Variants in HYDIN observed in about 807,000 individuals in gnomAD.
The protein encoded by HYDIN is axonemal central pair apparatus protein HYDIN.
Under a neutral mutation model 403.9 loss-of-function variants are expected in HYDIN, and 132 were observed. The observed-to-expected ratio is 0.33, with a 90% CI of 0.28 to 0.38. The LOEUF is 0.38. HYDIN is among the 10% of genes least tolerant of loss of function. HYDIN has a pLI of 1.00. For missense variants in HYDIN, 2,827 were observed against 5,009.5 expected (o/e 0.56, Z 13.15); for synonymous variants, 1,202 against 1,891.7 (o/e 0.64, Z 9.46).
chr16:70,825,143 A>G (rs1380823063), intron 83 of HYDIN, among the ~76,000 whole-genome samples: 2 of 152,206 alleles, frequency 1.3e-5, no homozygotes. Context: ...TAGATTGACA[A>G]TCATTCTCAC....
intron 27 of HYDIN, among the ~76,000 whole-genome samples, chr16:70,986,441 A>C (rs1276007968): frequency 1.3e-5 from 2 of 152,208 alleles, no homozygotes; most frequent in Admixed American, 1.3e-4. Flanking sequence ...AGGCAAGAGA[A>C]TTCTATTTGG....
chr16:70,895,842 G>T, intron 54 of HYDIN, 139 bp downstream of exon 54: 1 of 1,385,842 alleles, frequency 7.2e-7, no homozygotes, highest in Non-Finnish European at 9.4e-7. Context: ...TCACTCTGGG[G>T]CTCACATTAT....
chr16:71,192,842 T>C (rs1045025365), intron 1 of HYDIN, among the ~76,000 whole-genome samples: 1 of 152,228 alleles, frequency 6.6e-6, no homozygotes, highest in African/African-American at 2.4e-5. Flanking sequence ...CTAATAAATG[T>C]GGTTAATTAA....
rs1169889431 is a variant in HYDIN at position 71,046,942 on chromosome 16, T to C, written c.2529+13562A>G. Among the ~76,000 whole-genome samples the C allele has an allele frequency of 3.7e-4, 56 of 152,068 alleles. 1 individual carries two copies. The highest frequency in any genetic ancestry group is 3.4e-3 in the Admixed American group (52 of 15,266). ...ACATAAATCGAGTTGATGATGATGC[T>C]GGTAATGGGGAAGAAACATAAATTT... is the stretch of plus-strand genomic sequence containing the variant. On this transcript the variant is annotated intron_variant, in intron 18 of 85. Transcript: ENST00000393567.
At chr16:71,204,025 A>G (rs2088163886) in intron 1 of HYDIN, 1 of 261,346 alleles carries the variant, frequency 3.8e-6, no homozygotes, top group Non-Finnish European at 7.6e-6. Flanking sequence ...GGATCTTGCC[A>G]ATGCACTCCA....
intron 9 of HYDIN, among the ~76,000 whole-genome samples, chr16:71,124,748 T>A (rs965639231): frequency 6.6e-6 from 1 of 151,922 alleles, no homozygotes; most frequent in Non-Finnish European, 1.5e-5. Flanking sequence ...TCTCTAAGCC[T>A]CTTCATCACC....
At chr16:71,204,295 C>A (rs1243471101) in intron 1 of HYDIN, among the ~76,000 whole-genome samples, 1 of 152,148 alleles carries the variant, frequency 6.6e-6, no homozygotes, top group Non-Finnish European at 1.5e-5. Context: ...GCTTAGAATT[C>A]TTTTAATAAA....
At chr16:70,898,781 T>C (rs2076279104) in intron 53 of HYDIN, among the ~76,000 whole-genome samples, 1 of 151,250 alleles carries the variant, frequency 6.6e-6, no homozygotes, top group South Asian at 2.1e-4. Flanking sequence ...TCTTGCTCTC[T>C]TGCCCAGGCT....
chr16:71,085,564 C>T (rs1272382681), intron 12 of HYDIN, among the ~76,000 whole-genome samples: 1 of 151,834 alleles, frequency 6.6e-6, no homozygotes, highest in Admixed American at 6.6e-5. Context: ...TATTGACATC[C>T]CCTACTATTT....
At chr16:71,129,934 G>A in intron 8 of HYDIN, 111 bp from the exon 9 acceptor site, 2 of 1,343,470 alleles carry the variant, frequency 1.5e-6, no homozygotes, top group South Asian at 3.0e-5. Context: ...CCACCCTGGG[G>A]TGGTCCCTCC....
At chr16:71,185,942 G>A (rs1165882648) in intron 2 of HYDIN, among the ~76,000 whole-genome samples, 1 of 152,058 alleles carries the variant, frequency 6.6e-6, no homozygotes, top group Non-Finnish European at 1.5e-5. Flanking sequence ...TTTAAATGAA[G>A]GTATATTTCT....
intron 72 of HYDIN, among the ~76,000 whole-genome samples, chr16:70,857,215 G>A (rs1048112467): frequency 7.6e-5 from 7 of 92,548 alleles, no homozygotes; most frequent in Admixed American, 1.3e-4. Flanking sequence ...AGGAAGGTAC[G>A]GACTTTGGGC....
At chr16:71,192,018 G>T (rs528396125) in intron 1 of HYDIN, among the ~76,000 whole-genome samples, 35 of 152,168 alleles carry the variant, frequency 2.3e-4, no homozygotes, top group Non-Finnish European at 4.3e-4. Context: ...AATCCCCACA[G>T]CAACCCTAGA....
At chr16:70,835,422 T>C (rs1399469867) in intron 78 of HYDIN, among the ~76,000 whole-genome samples, 1 of 152,138 alleles carries the variant, frequency 6.6e-6, no homozygotes, top group Non-Finnish European at 1.5e-5. Context: ...TGACAATGAA[T>C]GACATGGAAA....
chr16:70,961,078 G>A (rs929751521), intron 38 of HYDIN, among the ~76,000 whole-genome samples: 1 of 151,994 alleles, frequency 6.6e-6, no homozygotes, highest in Non-Finnish European at 1.5e-5. Context: ...TGGGCATTTA[G>A]ATGGTTTTCA....
chr16:70,954,468 A>AAAAG (rs1555588884), intron 40 of HYDIN, among the ~76,000 whole-genome samples: 167 of 149,722 alleles, frequency 1.1e-3, no homozygotes, highest in South Asian at 4.6e-3. Flanking sequence ...AAAAAAAAAA[A>AAAAG]AAAGAAAGAA....
intron 7 of HYDIN, among the ~76,000 whole-genome samples, chr16:71,139,186 T>C (rs1360040118): frequency 7.2e-5 from 11 of 151,840 alleles, no homozygotes; most frequent in Admixed American, 4.6e-4. Context: ...AATACCATGC[T>C]GGAATTGCCT....
chr16:71,087,034 T>C (rs2082949943), intron 12 of HYDIN, among the ~76,000 whole-genome samples: 1 of 151,440 alleles, frequency 6.6e-6, no homozygotes, highest in Non-Finnish European at 1.5e-5. Flanking sequence ...AAAACAACCC[T>C]CATTTTTCTC....
intron 29 of HYDIN, among the ~76,000 whole-genome samples, chr16:70,979,291 A>G (rs1409323260): frequency 6.8e-6 from 1 of 146,256 alleles, no homozygotes; most frequent in Non-Finnish European, 1.5e-5. Flanking sequence ...AGTTCTCCAG[A>G]ACTTGAAGTT....
Sources: allele counts gnomAD v4.1 joint callset (sites outside exome capture counted in the v4.1 genomes callset), GRCh38; gene constraint gnomAD v4.1.1; transcripts MANE v1.5; gene names NCBI Gene and HGNC (gene_info 2026-07-23, HGNC 2026-07-21).